The following TNNC1 variants were observed in gnomAD, a reference collection of about 807,000 sequenced individuals.
The protein encoded by TNNC1 is troponin C, slow skeletal and cardiac muscles.
In TNNC1, 10 loss-of-function variants were observed where a neutral mutation model predicts 19.6. The observed-to-expected ratio is 0.51, with a 90% CI of 0.31 to 0.87. TNNC1 has a LOEUF of 0.87. Among genes scored for constraint, TNNC1 ranks in the 40% least tolerant of loss-of-function variants. TNNC1 has a pLI of 0.04. For missense variants in TNNC1, 115 were observed against 219.8 expected, an observed-to-expected ratio of 0.52 and a Z score of 3.02; for synonymous variants, 85 against 80.1, an observed-to-expected ratio of 1.06 and a Z score of -0.33.
At position 52,451,650 on chromosome 3, in the gene TNNC1, CA is replaced by C. The variant is rs1381335888; in HGVS notation, c.317+93del. On this transcript the variant is annotated intron_variant, in intron 4 of 5. Coordinates refer to ENST00000232975, the MANE Select transcript of TNNC1 (RefSeq NM_003280.3). The surrounding 1 kb of genome is among the most constrained non-coding windows in gnomAD (Gnocchi z 4.8). ...TCCCTCTCCCCTATCAGGCAGAGGC[CA>C]CAGGGTCCCTAGGCCTGGAATCTGA... 42 of 1,572,438 alleles carry C rather than the reference CA, an allele frequency of 2.7e-5. No individual in the cohort carries two copies. Among genetic ancestry groups the C allele is most frequent in the Non-Finnish European group, 3.6e-5 (41 of 1,142,852 alleles).
Position 52,452,326 on chromosome 3 carries a change from C to T in TNNC1, c.56-74G>A, listed in dbSNP as rs942253830. The stretch of plus-strand genomic sequence containing the variant: ...ACCACGGAGGGCCAGAACCCTGGGG[C>T]CACCTGCCAACCTGCCCACCTCCCT... On this transcript the variant is annotated intron_variant, in intron 2 of 5. Transcript: ENST00000232975. The surrounding 1 kb of genome is among the most constrained non-coding windows in gnomAD (Gnocchi z 5.2). 1.9e-6 allele frequency: 3 copies of T among 1,600,792 alleles called. No individual in the cohort carries two copies. The highest frequency in any genetic ancestry group is 1.3e-5 in the African/African-American group (1 of 74,856).
chr3:52,453,856 G>A (rs1706365823), intron 1 of TNNC1, 136 bp downstream of exon 1: 3 of 1,020,740 alleles, frequency 2.9e-6, no homozygotes, highest in Non-Finnish European at 4.5e-6. Flanking sequence ...CTGTCCCTGT[G>A]AGGGCCTGGG....
rs975730317 is a variant in TNNC1 at position 52,452,589 on chromosome 3, G to A, written c.25-76C>T. 47 of 1,488,800 alleles carry A rather than the reference G, an allele frequency of 3.2e-5. No homozygotes were observed. Among genetic ancestry groups the A allele is most frequent in the Non-Finnish European group, 4.2e-5 (45 of 1,078,578 alleles). 92.2% of individuals were successfully genotyped at this position (1,488,800 alleles called of 1,614,324 possible). A position where few individuals can be genotyped will look rare whatever the true frequency, so the allele number is the denominator to read the frequency against. Reference sequence around the variant, plus strand: ...GAGGAAACCAACCCATTCCACAGGTGAGAAGGCTGGAGCTGGAGGAGGCAG... The same window carrying A: ...GAGGAAACCAACCCATTCCACAGGTAAGAAGGCTGGAGCTGGAGGAGGCAG... On this transcript the variant is annotated intron_variant, in intron 1 of 5. Coordinates refer to ENST00000232975, the MANE Select transcript of TNNC1 (RefSeq NM_003280.3). This position sits in a 1 kb window ranked among gnomAD's most constrained non-coding sequence, Gnocchi z 5.2.
Position 52,452,663 on chromosome 3 carries a change from C to G in TNNC1, c.25-150G>C. ...AGGTCTCAGTCCTCCCTCCCTGCCC[C>G]CAAAGCCCTGACGTGACCCAGCTGG... On this transcript the variant is annotated intron_variant, in intron 1 of 5. Coordinates refer to ENST00000232975, the MANE Select transcript of TNNC1 (RefSeq NM_003280.3). The surrounding 1 kb of genome is among the most constrained non-coding windows in gnomAD (Gnocchi z 5.2). The G allele has an allele frequency of 1.1e-6, 1 of 876,456 alleles. No homozygotes were observed. Among genetic ancestry groups the G allele is most frequent in the Non-Finnish European group, 1.8e-6 (1 of 541,984 alleles). The allele number at this position is 876,456 out of a possible 1,614,324, so 54.3% of individuals were successfully genotyped here.
Position 52,451,606 on chromosome 3 carries a change from G to A in TNNC1, c.318-79C>T. On this transcript the variant is annotated intron_variant, in intron 4 of 5. Transcript: ENST00000232975. The surrounding 1 kb of genome is among the most constrained non-coding windows in gnomAD (Gnocchi z 4.8). Reference sequence around the variant, plus strand: ...CCCATGCCCCAGGAGGCAGAGCAGGGACACTGGGAGATGGGGCATCCCTCT... The same window carrying A: ...CCCATGCCCCAGGAGGCAGAGCAGGAACACTGGGAGATGGGGCATCCCTCT... 3 of 1,598,914 alleles carry A rather than the reference G, an allele frequency of 1.9e-6. No homozygotes were observed. In the South Asian group the frequency reaches 3.3e-5, roughly 18 times the overall value.
chr3:52,452,700 C>T lies in TNNC1; in HGVS notation c.25-187G>A. 1.5e-6 allele frequency: 1 copy of T among 689,332 alleles called. No homozygotes were observed. Among genetic ancestry groups the T allele is most frequent in the Non-Finnish European group, 2.6e-6 (1 of 388,674 alleles). The allele number at this position is 689,332 out of a possible 1,614,324, so 42.7% of individuals were successfully genotyped here. ...CGTGACCCAGCTGGCCTCACTGCGA[C>T]TGGGCTCAGGGCCAGGGTGACAGGT... On this transcript the variant is annotated intron_variant, in intron 1 of 5. Coordinates refer to ENST00000232975, the MANE Select transcript of TNNC1 (RefSeq NM_003280.3). This position sits in a 1 kb window ranked among gnomAD's most constrained non-coding sequence, Gnocchi z 5.2.
Position 52,451,883 on chromosome 3 carries a change from A to G in TNNC1, c.203-25T>C, listed in dbSNP as rs747202315. 1.2e-6 allele frequency: 2 copies of G among 1,603,554 alleles called. No individual in the cohort carries two copies. Among genetic ancestry groups the G allele is most frequent in the South Asian group, 2.2e-5 (2 of 90,880 alleles). ...CCTGGGGGTGGGCAGCATGGCCGTT[A>G]CAGAGGCCAGGGTAGGTACTGCAGG... On this transcript the variant is annotated intron_variant, in intron 3 of 5. Coordinates refer to ENST00000232975, the MANE Select transcript of TNNC1 (RefSeq NM_003280.3). The surrounding 1 kb of genome is among the most constrained non-coding windows in gnomAD (Gnocchi z 4.8).
rs1553651649 is a variant in TNNC1, at chr3:52,451,462, A to G, written c.383T>C (p.Ile128Thr). 3 of 1,614,010 alleles carry G rather than the reference A, an allele frequency of 1.9e-6. No homozygotes were observed. Among genetic ancestry groups the G allele is most frequent in the Non-Finnish European group, 2.5e-6 (3 of 1,179,990 alleles). ...GAGCTCCTCGATGTCGTCCTCCGTG[A>G]TGGTCTCGCCTGTAGCCTGCAGCAT... ...KIMLQATGETITEDDIEELMK... is the reference protein window; with the variant it reads ...KIMLQATGETTTEDDIEELMK... The change falls in exon 5 of 6, where the codon ATC becomes ACC. Residue 128 changes from isoleucine to threonine, a missense_variant. By Grantham distance (89) the Ile-to-Thr change is moderately conservative. Coordinates refer to ENST00000232975, the MANE Select transcript of TNNC1 (RefSeq NM_003280.3). This position sits in a 1 kb window ranked among gnomAD's most constrained non-coding sequence, Gnocchi z 4.8.
chr3:52,451,198 C>T lies in TNNC1; in HGVS notation c.*77G>A. The T allele has an allele frequency of 6.3e-7, 1 of 1,582,218 alleles. No individual in the cohort carries two copies. The highest frequency in any genetic ancestry group is 8.7e-7 in the Non-Finnish European group (1 of 1,152,574). On this transcript the variant is annotated 3_prime_UTR_variant, in exon 6 of 6. Coordinates refer to ENST00000232975, the MANE Select transcript of TNNC1 (RefSeq NM_003280.3). The surrounding 1 kb of genome is among the most constrained non-coding windows in gnomAD (Gnocchi z 4.8). ...CATGGCCAGGCTCAGGTCCTGGGAC[C>T]CCGACCCCCTCCCCAACCCCAGGAC...
chr3:52,453,946 C>G (rs1312222355), intron 1 of TNNC1, 46 bp downstream of exon 1: 1 of 1,570,588 alleles, frequency 6.4e-7, no homozygotes. Context: ...TGAGTGAGCC[C>G]CCAGTGGGCC....
At chr3:52,453,212 T>A (rs1706355591) in intron 1 of TNNC1, among the ~76,000 whole-genome samples, 2 of 152,146 alleles carry the variant, frequency 1.3e-5, no homozygotes, top group African/African-American at 2.4e-5. Context: ...CATGCCAGGA[T>A]GTCCTTGCTC....
chr3:52,453,888 C>T (rs1297593957), intron 1 of TNNC1, 104 bp downstream of exon 1: 1 of 1,417,330 alleles, frequency 7.1e-7, no homozygotes, highest in African/African-American at 1.4e-5. Context: ...TAGGCCTTCT[C>T]CTTGGTCCCC....
chr3:52,452,206 G>T lies in TNNC1; in HGVS notation c.102C>A (p.Gly34=), dbSNP rs1048914110. The change falls in exon 3 of 6, where the codon GGC becomes GGA. Residue 34 remains glycine (G), a synonymous_variant. Transcript: ENST00000232975. This position sits in a 1 kb window ranked among gnomAD's most constrained non-coding sequence, Gnocchi z 5.2. The part of the protein sequence containing the change: ...FDIFVLGAED[G]CISTKELGKV... Reference sequence around the variant, plus strand: ...TGCCCAGCTCCTTGGTGCTGATGCAGCCATCCTCAGCGCCCAGCACGAAGA... The same window carrying T: ...TGCCCAGCTCCTTGGTGCTGATGCATCCATCCTCAGCGCCCAGCACGAAGA... The T allele has an allele frequency of 3.1e-6, 5 of 1,613,958 alleles. No individual in the cohort carries two copies. The highest frequency in any genetic ancestry group is 3.4e-6 in the Non-Finnish European group (4 of 1,180,036).
At position 52,452,260 on chromosome 3, in the gene TNNC1, C is replaced by T. The variant is rs727503495; in HGVS notation, c.56-8G>A. The T allele has an allele frequency of 3.2e-5, 51 of 1,609,010 alleles. No homozygotes were observed. Among genetic ancestry groups the T allele is most frequent in the Non-Finnish European group, 4.2e-5 (50 of 1,180,014 alleles). On this transcript the variant is annotated splice_polypyrimidine_tract_variant and splice_region_variant and intron_variant, in intron 2 of 5. Transcript: ENST00000232975. This position sits in a 1 kb window ranked among gnomAD's most constrained non-coding sequence, Gnocchi z 5.2. ...CGAAGGCTGCCTTGAACTCTGTGTT[C>T]AGGGGTTGGGGGGCACAGTAGTCAG...
In TNNC1 at chr3:52,451,718, T is replaced by A. The variant is rs200926774; in HGVS notation, c.317+26A>T. ...AGCTCGGCTTGAGTGTGGGTCAGGG[T>A]CAGAGGTCAAGGGTCACGTGCTCAC... On this transcript the variant is annotated intron_variant, in intron 4 of 5. Coordinates refer to ENST00000232975, the MANE Select transcript of TNNC1 (RefSeq NM_003280.3). The surrounding 1 kb of genome is among the most constrained non-coding windows in gnomAD (Gnocchi z 4.8). The A allele has an allele frequency of 1.9e-6, 3 of 1,607,918 alleles. No individual in the cohort carries two copies. The African/African-American group carries it at 4.0e-5, about 21-fold the overall frequency.
Position 52,451,960 on chromosome 3 carries a change from G to T in TNNC1, c.203-102C>A. 6.5e-7 allele frequency: 1 copy of T among 1,536,626 alleles called. No individual in the cohort carries two copies. On this transcript the variant is annotated intron_variant, in intron 3 of 5. Coordinates refer to ENST00000232975, the MANE Select transcript of TNNC1 (RefSeq NM_003280.3). This position sits in a 1 kb window ranked among gnomAD's most constrained non-coding sequence, Gnocchi z 4.8. ...TTCTCACCGCATCCTCACACCAAAC[G>T]CCAGGCTTGTGTAGCCCTTATGCCC... is the stretch of plus-strand genomic sequence containing the variant.
chr3:52,452,140 C>T lies in TNNC1; in HGVS notation c.168G>A (p.Glu56=), dbSNP rs199523612. Residue 56 remains glutamate, a synonymous_variant, in exon 3 of 6, where the codon GAG becomes GAA. Transcript: ENST00000232975. The surrounding 1 kb of genome is among the most constrained non-coding windows in gnomAD (Gnocchi z 5.2). ...RMLGQNPTPE[E]LQEMIDEVDE... is the part of the protein sequence containing the mutation. ...CCACCTCATCGATCATCTCCTGCAG[C>T]TCCTCAGGGGTGGGGTTCTGGCCCA... is the stretch of plus-strand genomic sequence containing the variant. 9 of 1,614,016 alleles carry T rather than the reference C, an allele frequency of 5.6e-6. No individual in the cohort carries two copies. Among genetic ancestry groups the T allele is most frequent in the Non-Finnish European group, 7.6e-6 (9 of 1,180,038 alleles).
Position 52,452,637 on chromosome 3 carries a change from G to A in TNNC1, c.25-124C>T, listed in dbSNP as rs1359581522. The A allele has an allele frequency of 9.4e-7, 1 of 1,065,160 alleles. No individual in the cohort carries two copies. The allele number at this position is 1,065,160 out of a possible 1,614,324, so 66.0% of individuals were successfully genotyped here. ...CAGGCTATTTCCAGGCCACAGAGTGGAGGTCTCAGTCCTCCCTCCCTGCCC... is the reference window on the plus strand; with the variant it reads ...CAGGCTATTTCCAGGCCACAGAGTGAAGGTCTCAGTCCTCCCTCCCTGCCC... On this transcript the variant is annotated intron_variant, in intron 1 of 5. Transcript: ENST00000232975. This position sits in a 1 kb window ranked among gnomAD's most constrained non-coding sequence, Gnocchi z 5.2.
chr3:52,451,662 AG>A lies in TNNC1; in HGVS notation c.317+81del. On this transcript the variant is annotated intron_variant, in intron 4 of 5. Transcript: ENST00000232975. The surrounding 1 kb of genome is among the most constrained non-coding windows in gnomAD (Gnocchi z 4.8). ...ATCAGGCAGAGGCCACAGGGTCCCT[AG>A]GCCTGGAATCTGAGACTGCCCTCCT... The A allele has an allele frequency of 6.4e-7, 1 of 1,568,172 alleles. No homozygotes were observed. The highest frequency in any genetic ancestry group is 8.8e-7 in the Non-Finnish European group (1 of 1,138,528).
Sources: gnomAD v4.1 joint callset for allele counts (sites outside exome capture counted in the v4.1 genomes callset) on GRCh38, gnomAD v4.1.1 for gene constraint, Gnocchi (gnomAD v3.1) non-coding constraint, MANE v1.5 for transcripts, NCBI Gene and HGNC (gene_info 2026-07-23, HGNC 2026-07-21) for gene names.